ASB16: variants seen among roughly 807,000 people sequenced by gnomAD.
ASB16 encodes ankyrin repeat and SOCS box containing 16, also known as ankyrin repeat and SOCS box protein 16.
ASB16 carries 44 observed loss-of-function variants against 39.1 expected under a neutral mutation model. That is an observed-to-expected ratio of 1.13 (90% CI 0.88 to 1.45). The LOEUF (loss-of-function observed/expected upper bound fraction) is 1.45, where lower values mean the gene tolerates loss of function less well. Among genes scored for constraint, ASB16 ranks in the 40% most tolerant of loss-of-function variants. ASB16 has a pLI of 0.00. For missense variants in ASB16, 698 were observed against 634.5 expected, an observed-to-expected ratio of 1.10 and a Z score of -1.07; for synonymous variants, 305 against 286.7, an observed-to-expected ratio of 1.06 and a Z score of -0.64.
At chr17:44,172,390 A>G in intron 2 of ASB16, 77 bp downstream of exon 2, 1 of 1,526,374 alleles carries the variant, frequency 6.6e-7, no homozygotes, top group Non-Finnish European at 8.8e-7. Context: ...AGAAGAGGGA[A>G]CCTGACAACC....
intron 2 of ASB16, chr17:44,176,437 T>TGG (rs1197463512): frequency 4.2e-6 from 2 of 471,854 alleles, no homozygotes; most frequent in African/African-American, 4.0e-5. Flanking sequence ...GAGTAGACTG[T>TGG]GGGAGGGACT....
rs1390805811 is a variant in ASB16 at position 44,178,879 on chromosome 17, C to G, written c.*489C>G. ...GCCGGACCTGAGCTTCAGACCCTCT[C>G]TCCAGCAGGAAGGGCTGCAGACTCG... is the stretch of plus-strand genomic sequence containing the variant. On this transcript the variant is annotated 3_prime_UTR_variant, in exon 5 of 5. Transcript: ENST00000293414. 3.1e-5 allele frequency: 5 copies of G among 158,778 alleles called. No individual in the cohort carries two copies. Among genetic ancestry groups the G allele is most frequent in the Non-Finnish European group, 7.0e-5 (5 of 71,940 alleles). 9.8% of individuals were successfully genotyped at this position (158,778 alleles called of 1,614,324 possible). A position where few individuals can be genotyped will look rare whatever the true frequency, so the allele number is the denominator to read the frequency against.
At position 44,170,987 on chromosome 17, in the gene ASB16, C is replaced by A. The variant is rs762289171; in HGVS notation, c.198C>A (p.Phe66Leu). 1.2e-6 allele frequency: 2 copies of A among 1,614,012 alleles called. No homozygotes were observed. The highest frequency in any genetic ancestry group is 2.2e-5 in the South Asian group (2 of 91,088). Reference sequence around the variant, plus strand: ...ACCCAGCTGTCCACCAAGCCCTCTTCTCCGGCAACCTGCAGCAGGTCCAAG... The same window carrying A: ...ACCCAGCTGTCCACCAAGCCCTCTTATCCGGCAACCTGCAGCAGGTCCAAG... Reference protein sequence around the residue: ...CRDPAVHQALFSGNLQQVQAL... With the variant: ...CRDPAVHQALLSGNLQQVQAL... Residue 66 changes from phenylalanine to leucine, a missense_variant, in exon 1 of 5, where the codon TTC becomes TTA. By Grantham distance (22) the Phe-to-Leu change is conservative (BLOSUM62 0). Transcript: ENST00000293414.
intron 2 of ASB16, among the ~76,000 whole-genome samples, chr17:44,173,309 C>G (rs956883674): frequency 1.4e-5 from 2 of 140,476 alleles, no homozygotes; most frequent in African/African-American, 2.7e-5. Flanking sequence ...AGGAGAATCG[C>G]TTGAACCCGG....
rs10583057 is a variant in ASB16 at position 44,175,400 on chromosome 17, TAAAAAAAAAAAA to T, written c.570-1320_570-1309del. 1.4e-4 allele frequency among the ~76,000 whole-genome samples: 8 copies of T among 56,264 alleles called. 1 individual carries two copies. Among genetic ancestry groups the T allele is most frequent in the South Asian group, 7.2e-4 (1 of 1,398 alleles). 36.9% of individuals were successfully genotyped at this position (56,264 alleles called of 152,430 possible). A position where few individuals can be genotyped will look rare whatever the true frequency, so the allele number is the denominator to read the frequency against. On this transcript the variant is annotated intron_variant, in intron 2 of 4. Transcript: ENST00000293414. ...CTGGGCAACAGAATGAGACTCCATC[TAAAAAAAAAAAA>T]AAAAAAAAAAAAAAAAATTAGTATT...
chr17:44,177,081 C>T lies in ASB16; in HGVS notation c.913C>T (p.Arg305Cys). 2 of 1,473,788 alleles carry T rather than the reference C, an allele frequency of 1.4e-6. No individual in the cohort carries two copies. The highest frequency in any genetic ancestry group is 1.8e-6 in the Non-Finnish European group (2 of 1,124,236). 91.3% of individuals were successfully genotyped at this position (1,473,788 alleles called of 1,614,324 possible). The change falls in exon 3 of 5, where the codon CGT becomes TGT. Residue 305 changes from arginine (R) to cysteine (C), a missense_variant. Transcript: ENST00000293414. ...CGGGGGCCTGGCCGAGCTGCTGCTG[C>T]GTTACGGGGCCCGCGCTGAGGTCCC... ...GCGGLAELLL[R>C]YGARAEVPNG... is the part of the protein sequence containing the mutation.
chr17:44,173,731 A>G (rs780915899), intron 2 of ASB16, among the ~76,000 whole-genome samples: 1 of 152,078 alleles, frequency 6.6e-6, no homozygotes, highest in Non-Finnish European at 1.5e-5. Context: ...AAAGCATTTG[A>G]GCCCAAGAGG....
Position 44,178,252 on chromosome 17 carries a change from A to T in ASB16, c.1224A>T (p.Pro408=). The T allele has an allele frequency of 6.2e-7, 1 of 1,613,588 alleles. No homozygotes were observed. The highest frequency in any genetic ancestry group is 8.5e-7 in the Non-Finnish European group (1 of 1,179,980). ...YSSALCMVNQ[P]RQLQHLARLA... Reference sequence around the variant, plus strand: ...CGGCCCTGTGCATGGTGAACCAGCCAAGGCAGCTGCAGCACCTGGCCCGAC... The same window carrying T: ...CGGCCCTGTGCATGGTGAACCAGCCTAGGCAGCTGCAGCACCTGGCCCGAC... Residue 408 remains proline (P), a synonymous_variant, in exon 5 of 5, where the codon CCA becomes CCT. Coordinates refer to ENST00000293414, the MANE Select transcript of ASB16 (RefSeq NM_080863.5).
intron 2 of ASB16, among the ~76,000 whole-genome samples, chr17:44,175,646 C>T (rs776673354): frequency 1.3e-4 from 20 of 151,966 alleles, no homozygotes; most frequent in Non-Finnish European, 1.6e-4. Context: ...CAGCAGCTGC[C>T]GTTCTGGCTT....
At chr17:44,171,450 G>A (rs2054242081) in intron 1 of ASB16, among the ~76,000 whole-genome samples, 1 of 151,540 alleles carries the variant, frequency 6.6e-6, no homozygotes, top group Admixed American at 6.6e-5. Flanking sequence ...TGTAATCCCA[G>A]CTACTCAGCA....
chr17:44,173,550 G>A (rs554939953), intron 2 of ASB16, among the ~76,000 whole-genome samples: 8 of 152,018 alleles, frequency 5.3e-5, no homozygotes, highest in South Asian at 2.1e-4. Flanking sequence ...AAAACTAGCC[G>A]GGTATGGTGG....
At chr17:44,171,574 AAAAG>A (rs1019263462) in intron 1 of ASB16, among the ~76,000 whole-genome samples, 3 of 151,218 alleles carry the variant, frequency 2.0e-5, no homozygotes, top group Non-Finnish European at 4.4e-5. Flanking sequence ...AAAAAAAAAA[AAAAG>A]AGACAAGGTC....
At chr17:44,177,519 AG>A in intron 3 of ASB16, 89 bp from the exon 4 acceptor site, 2 of 1,478,896 alleles carry the variant, frequency 1.4e-6, no homozygotes, top group Non-Finnish European at 1.8e-6. Flanking sequence ...CCCCCAGATT[AG>A]GCTAGGATTG....
chr17:44,174,324 C>A (rs577361646), intron 2 of ASB16, among the ~76,000 whole-genome samples: 6 of 152,134 alleles, frequency 3.9e-5, no homozygotes, highest in Non-Finnish European at 5.9e-5. Flanking sequence ...GGATTACAGG[C>A]GTGAGCCACC....
intron 2 of ASB16, 123 bp downstream of exon 2, chr17:44,172,436 A>G (rs2054251236): frequency 1.8e-6 from 2 of 1,098,512 alleles, no homozygotes; most frequent in East Asian, 5.0e-5. Context: ...CACCGCATAT[A>G]CACATCTTCA....
Position 44,177,193 on chromosome 17 carries a change from C to G in ASB16, c.1025C>G (p.Ala342Gly). 3 of 1,539,970 alleles carry G rather than the reference C, an allele frequency of 1.9e-6. No individual in the cohort carries two copies. The Admixed American group carries it at 6.1e-5, about 31-fold the overall frequency. The part of the protein sequence containing the change: ...PNWEPEVLFA[A>G]LLDYGAQPVR... ...TGGGAGCCTGAAGTCCTTTTCGCCGCACTGCTGGACTACGGGGCGCAGCCA... is the reference window on the plus strand; with the variant it reads ...TGGGAGCCTGAAGTCCTTTTCGCCGGACTGCTGGACTACGGGGCGCAGCCA... Residue 342 changes from alanine (A) to glycine (G), a missense_variant, in exon 3 of 5, where the codon GCA (alanine) becomes GGA (glycine). Physicochemically the swap from Ala to Gly is moderately conservative, Grantham distance 60. Coordinates refer to ENST00000293414, the MANE Select transcript of ASB16 (RefSeq NM_080863.5).
Position 44,170,754 on chromosome 17 carries a change from C to T in ASB16, c.-36C>T. The stretch of plus-strand genomic sequence containing the variant: ...GTCGGGTCGAGGGAACCTGGCTCTG[C>T]CCAGGTGCCACTGCCCAAACCCCTG... On this transcript the variant is annotated 5_prime_UTR_variant, in exon 1 of 5. Coordinates refer to ENST00000293414, the MANE Select transcript of ASB16 (RefSeq NM_080863.5). 6.5e-7 allele frequency: 1 copy of T among 1,546,370 alleles called. No homozygotes were observed. Among genetic ancestry groups the T allele is most frequent in the Non-Finnish European group, 8.7e-7 (1 of 1,145,610 alleles).
At chr17:44,174,579 G>A (rs1340970035) in intron 2 of ASB16, among the ~76,000 whole-genome samples, 1 of 152,062 alleles carries the variant, frequency 6.6e-6, no homozygotes, top group African/African-American at 2.4e-5. Context: ...AACAGACAGG[G>A]TGGCAGGTAA....
At chr17:44,171,208 C>A in intron 1 of ASB16, 118 bp downstream of exon 1, 1 of 1,074,398 alleles carries the variant, frequency 9.3e-7, no homozygotes, top group Non-Finnish European at 1.3e-6. Flanking sequence ...GCCCTTTCCA[C>A]CACCTATCCT....
Sources: gnomAD v4.1 joint callset for allele counts (sites outside exome capture counted in the v4.1 genomes callset) on GRCh38, gnomAD v4.1.1 for gene constraint, MANE v1.5 for transcripts, NCBI Gene and HGNC (gene_info 2026-07-23, HGNC 2026-07-21) for gene names.